The following TUBB4B variants were observed in gnomAD, a reference collection of about 807,000 sequenced individuals.
The protein encoded by TUBB4B is tubulin beta-4B chain.
A neutral mutation model predicts 34.3 loss-of-function variants in TUBB4B; 7 were observed. The observed-to-expected ratio is 0.20, with a 90% confidence interval of 0.12 to 0.38. The LOEUF (loss-of-function observed/expected upper bound fraction) is 0.38. Ranked by LOEUF, TUBB4B falls within the 10% of genes least tolerant of loss-of-function variation. The probability of loss-of-function intolerance (pLI) is 1.00; values close to 1 mark genes in which losing one functional copy is unlikely to be tolerated. For missense variants in TUBB4B, 178 were observed against 610.9 expected (o/e 0.29, Z 7.47); for synonymous variants, 390 against 250.2 (o/e 1.56, Z -5.27).
rs1836784661 is a variant in TUBB4B, at chr9:137,242,767, C to T, written c.549C>T (p.Tyr183=). 7 of 1,613,888 alleles carry T rather than the reference C, an allele frequency of 4.3e-6. No homozygotes were observed. Among genetic ancestry groups the T allele is most frequent in the Non-Finnish European group, 5.9e-6 (7 of 1,180,022 alleles). The part of the protein sequence containing the change: ...PKVSDTVVEP[Y]NATLSVHQLV... ...TGTCAGACACAGTGGTGGAGCCCTA[C>T]AACGCCACCCTCTCAGTCCACCAGC... The change falls in exon 4 of 4, where the codon TAC becomes TAT. Residue 183 remains tyrosine (Y), a synonymous_variant. Coordinates refer to ENST00000340384, the MANE Select transcript of TUBB4B (RefSeq NM_006088.6).
In TUBB4B at chr9:137,243,178, C is replaced by T. The variant is rs4072054; in HGVS notation, c.960C>T (p.Arg320=). 7 of 1,612,998 alleles carry T rather than the reference C, an allele frequency of 4.3e-6. No individual in the cohort carries two copies. The highest frequency in any genetic ancestry group is 5.1e-6 in the Non-Finnish European group (6 of 1,179,978). The change falls in exon 4 of 4, where the codon CGC becomes CGT. Residue 320 remains arginine, a synonymous_variant. Coordinates refer to ENST00000340384, the MANE Select transcript of TUBB4B (RefSeq NM_006088.6). ...YLTVAAVFRG[R]MSMKEVDEQM... is the part of the protein sequence containing the mutation. ...CGGTTGCCGCCGTGTTCAGGGGCCG[C>T]ATGTCCATGAAGGAGGTGGATGAGC...
chr9:137,242,866 G>A lies in TUBB4B; in HGVS notation c.648G>A (p.Lys216=), dbSNP rs748985303. The change falls in exon 4 of 4, where the codon AAG becomes AAA. Residue 216 remains lysine (K), a synonymous_variant. Coordinates refer to ENST00000340384, the MANE Select transcript of TUBB4B (RefSeq NM_006088.6). Reference sequence around the variant, plus strand: ...ACGACATTTGCTTCAGAACCCTAAAGCTGACCACGCCCACCTATGGTGACC... The same window carrying A: ...ACGACATTTGCTTCAGAACCCTAAAACTGACCACGCCCACCTATGGTGACC... The part of the protein sequence containing the change: ...ALYDICFRTL[K]LTTPTYGDLN... 1.2e-6 allele frequency: 2 copies of A among 1,613,518 alleles called. No homozygotes were observed. The highest frequency in any genetic ancestry group is 1.1e-5 in the South Asian group (1 of 91,080).
At chr9:137,241,856 G>A (rs374839260) in intron 2 of TUBB4B, 27 bp downstream of exon 2, 36 of 1,611,730 alleles carry the variant, frequency 2.2e-5, no homozygotes, top group Middle Eastern at 1.7e-4. Flanking sequence ...TTCCCCGACC[G>A]CCCTCCGGGG....
chr9:137,242,383 C>G (rs1484296959), intron 3 of TUBB4B, 113 bp from the exon 4 acceptor site: 7 of 1,316,426 alleles, frequency 5.3e-6, no homozygotes, highest in Admixed American at 4.8e-5. Context: ...TGCTCTACCT[C>G]CAGGGTGAAT....
intron 3 of TUBB4B, 184 bp downstream of exon 3, chr9:137,242,205 C>T (rs777676637): frequency 2.9e-6 from 2 of 681,788 alleles, no homozygotes; most frequent in East Asian, 2.7e-5. Flanking sequence ...GGAGCCGCCA[C>T]ACACGTAATC....
Position 137,241,918 on chromosome 9 carries a change from G to A in TUBB4B, c.174G>A (p.Lys58=). 1 of 1,611,458 alleles carries A rather than the reference G, an allele frequency of 6.2e-7. No individual in the cohort carries two copies. The highest frequency in any genetic ancestry group is 2.2e-5 in the East Asian group (1 of 44,842). ...NVYYNEATGG[K]YVPRAVLVDL... ...GCCCTCCCGTCCCCGCAGGCGGCAA[G>A]TACGTGCCCCGCGCCGTGCTCGTGG... is the stretch of plus-strand genomic sequence containing the variant. The change falls in exon 3 of 4, where the codon AAG becomes AAA. Residue 58 remains lysine (K), a synonymous_variant. Coordinates refer to ENST00000340384, the MANE Select transcript of TUBB4B (RefSeq NM_006088.6).
intron 3 of TUBB4B, 92 bp from the exon 4 acceptor site, chr9:137,242,404 G>C (rs1182659280): frequency 9.5e-6 from 14 of 1,468,370 alleles, no homozygotes; most frequent in South Asian, 3.8e-5. Flanking sequence ...TCTGTGGTCA[G>C]CTCACACCAT....
At position 137,241,354 on chromosome 9, in the gene TUBB4B, C is replaced by CGCG; in HGVS notation, c.-5_-4insGGC. ...CCTCCTGCTTCCCCGCCGCCGCCGC[C>CGCG]GCCATCATGAGGGAAATCGTGCACT... is the stretch of plus-strand genomic sequence containing the variant. On this transcript the variant is annotated 5_prime_UTR_variant, in exon 1 of 4. Coordinates refer to ENST00000340384, the MANE Select transcript of TUBB4B (RefSeq NM_006088.6). The CGCG allele has an allele frequency of 6.2e-7, 1 of 1,600,968 alleles. No individual in the cohort carries two copies. Among genetic ancestry groups the CGCG allele is most frequent in the Non-Finnish European group, 8.5e-7 (1 of 1,177,364 alleles).
chr9:137,243,193 G>A lies in TUBB4B; in HGVS notation c.975G>A (p.Glu325=), dbSNP rs943435349. ...AVFRGRMSMK[E]VDEQMLNVQN... ...TCAGGGGCCGCATGTCCATGAAGGA[G>A]GTGGATGAGCAAATGCTTAATGTCC... The change falls in exon 4 of 4, where the codon GAG becomes GAA. Residue 325 remains glutamate (E), a synonymous_variant. Coordinates refer to ENST00000340384, the MANE Select transcript of TUBB4B (RefSeq NM_006088.6). 7 of 1,613,092 alleles carry A rather than the reference G, an allele frequency of 4.3e-6. No homozygotes were observed. Among genetic ancestry groups the A allele is most frequent in the African/African-American group, 4.0e-5 (3 of 74,958 alleles).
rs745306381 is a variant in TUBB4B at position 137,243,553 on chromosome 9, C to T, written c.1335C>T (p.Ala445=). 3.7e-6 allele frequency: 6 copies of T among 1,613,682 alleles called. No homozygotes were observed. Among genetic ancestry groups the T allele is most frequent in the Non-Finnish European group, 5.1e-6 (6 of 1,179,866 alleles). ...EFEEEAEEEV[A] is the part of the protein sequence containing the mutation. Reference sequence around the variant, plus strand: ...AGGAGGAGGCTGAGGAGGAGGTGGCCTAGAGCCTTCAGTCACTGGGGAAAG... The same window carrying T: ...AGGAGGAGGCTGAGGAGGAGGTGGCTTAGAGCCTTCAGTCACTGGGGAAAG... Residue 445 remains alanine (A), a synonymous_variant, in exon 4 of 4, where the codon GCC becomes GCT. Transcript: ENST00000340384.
chr9:137,242,065 G>A (rs758219787), intron 3 of TUBB4B, 44 bp downstream of exon 3: 6 of 1,585,294 alleles, frequency 3.8e-6, no homozygotes, highest in African/African-American at 2.7e-5. Flanking sequence ...AAGGTCAAGG[G>A]GCTGCTCCAA....
At chr9:137,241,441 CAGGCGGGCCTGCCGGGCGGTGT>C in intron 1 of TUBB4B, 24 bp downstream of exon 1, 1 of 1,561,240 alleles carries the variant, frequency 6.4e-7, no homozygotes, top group Non-Finnish European at 8.6e-7. Context: ...GCGCTGGGGC[CAGGCGGGCCTGCCGGGCGGTGT>C]GGGCGGGCGG....
intron 1 of TUBB4B, 47 bp from the exon 2 acceptor site, chr9:137,241,674 C>T (rs370807012): frequency 2.7e-6 from 4 of 1,506,402 alleles, no homozygotes; most frequent in Non-Finnish European, 2.7e-6. Context: ...GCACCGGCCG[C>T]GGTGACTCAG....
intron 1 of TUBB4B, 119 bp downstream of exon 1, chr9:137,241,536 T>A: frequency 1.0e-6 from 1 of 974,106 alleles, no homozygotes; most frequent in Non-Finnish European, 1.3e-6. Context: ...CCGGGCCCCC[T>A]CCGCGGGGAA....
In TUBB4B at chr9:137,243,579, C is replaced by T; in HGVS notation, c.*23C>T. 1.2e-6 allele frequency: 2 copies of T among 1,613,584 alleles called. No individual in the cohort carries two copies. The highest frequency in any genetic ancestry group is 1.1e-5 in the South Asian group (1 of 91,086). On this transcript the variant is annotated 3_prime_UTR_variant, in exon 4 of 4. Transcript: ENST00000340384. ...TAGAGCCTTCAGTCACTGGGGAAAG[C>T]AGGGAAGCAGTGTGAACTCTTTATT...
In TUBB4B at chr9:137,243,070, G is replaced by A; in HGVS notation, c.852G>A (p.Leu284=). 6.2e-7 allele frequency: 1 copy of A among 1,612,990 alleles called. No individual in the cohort carries two copies. The highest frequency in any genetic ancestry group is 1.7e-5 in the Admixed American group (1 of 60,032). Residue 284 remains leucine, a synonymous_variant, in exon 4 of 4, where the codon CTG becomes CTA. Coordinates refer to ENST00000340384, the MANE Select transcript of TUBB4B (RefSeq NM_006088.6). ...TSRGSQQYRA[L]TVPELTQQMF... is the part of the protein sequence containing the mutation. ...GGGGCAGCCAGCAGTACCGGGCGCT[G>A]ACCGTGCCCGAGCTCACCCAGCAGA...
intron 1 of TUBB4B, 98 bp downstream of exon 1, chr9:137,241,515 C>T (rs1370627105): frequency 1.1e-5 from 12 of 1,077,414 alleles, no homozygotes; most frequent in Non-Finnish European, 1.3e-5. Flanking sequence ...GGCGCCCCCG[C>T]ATTGCGGCCG....
chr9:137,243,485 C>G lies in TUBB4B; in HGVS notation c.1267C>G (p.Gln423Glu). The change falls in exon 4 of 4, where the codon CAG (glutamine) becomes GAG (glutamate). Residue 423 changes from glutamine (Q) to glutamate (E), a missense_variant. Gln to Glu is a conservative substitution (Grantham distance 29). Transcript: ENST00000340384. Reference sequence around the variant, plus strand: ...CATGAATGACCTGGTGTCCGAGTACCAGCAGTACCAGGATGCCACAGCCGA... The same window carrying G: ...CATGAATGACCTGGTGTCCGAGTACGAGCAGTACCAGGATGCCACAGCCGA... ...SNMNDLVSEYQQYQDATAEEE... is the reference protein window; with the variant it reads ...SNMNDLVSEYEQYQDATAEEE... 6.2e-7 allele frequency: 1 copy of G among 1,613,806 alleles called. No individual in the cohort carries two copies. The highest frequency in any genetic ancestry group is 8.5e-7 in the Non-Finnish European group (1 of 1,180,036).
intron 3 of TUBB4B, 38 bp from the exon 4 acceptor site, chr9:137,242,458 T>G: frequency 6.3e-7 from 1 of 1,596,704 alleles, no homozygotes; most frequent in South Asian, 1.1e-5. Flanking sequence ...TAGTGCTGTC[T>G]ACCTGGCTGA....
Sources: allele counts gnomAD v4.1 joint callset, GRCh38; gene constraint gnomAD v4.1.1; transcripts MANE v1.5; gene names NCBI Gene and HGNC (gene_info 2026-07-23, HGNC 2026-07-21).